GLB1L2: variants seen among roughly 807,000 people sequenced by gnomAD.
GLB1L2 encodes galactosidase beta 1 like 2.
In GLB1L2, 68 loss-of-function variants were observed where a neutral mutation model predicts 84.1. The observed-to-expected ratio is 0.81, with a 90% CI of 0.67 to 0.99. The LOEUF (loss-of-function observed/expected upper bound fraction) is 0.99. Ranked by LOEUF, GLB1L2 falls within the 50% of genes least tolerant of loss-of-function variation. GLB1L2 has a pLI of 0.00. For missense variants in GLB1L2, 762 were observed against 805.6 expected (o/e 0.95, Z 0.66); for synonymous variants, 290 against 318.0 (o/e 0.91, Z 0.94).
intron 7 of GLB1L2, among the ~76,000 whole-genome samples, chr11:134,363,109 T>A (rs1192714338): frequency 6.6e-6 from 1 of 152,198 alleles, no homozygotes; most frequent in Non-Finnish European, 1.5e-5. Context: ...AGTTTCAGAC[T>A]GGCCTCCTGT....
At position 134,373,789 on chromosome 11, in the gene GLB1L2, A is replaced by C; in HGVS notation, c.1576A>C (p.Lys526Gln). 1.2e-6 allele frequency: 2 copies of C among 1,610,254 alleles called. No individual in the cohort carries two copies. The highest frequency in any genetic ancestry group is 1.7e-6 in the Non-Finnish European group (2 of 1,176,540). Residue 526 changes from lysine (K) to glutamine (Q), a missense_variant, in exon 16 of 19, where the codon AAG (lysine) becomes CAG (glutamine). By Grantham distance (53) the Lys-to-Gln change is moderately conservative. Coordinates refer to ENST00000535456, the MANE Select transcript of GLB1L2 (RefSeq NM_001370461.1). ...CTTCAGAATCTATAGCCTGGATATG[A>C]AGAAGAGCTTCTTTCAGAGGTGGGT... Reference protein sequence around the residue: ...KNFRIYSLDMKKSFFQRFGLD... With the variant: ...KNFRIYSLDMQKSFFQRFGLD...
At position 134,369,893 on chromosome 11, in the gene GLB1L2, G is replaced by A; in HGVS notation, c.1108+8G>A. 6.2e-7 allele frequency: 1 copy of A among 1,612,104 alleles called. No homozygotes were observed. The highest frequency in any genetic ancestry group is 8.5e-7 in the Non-Finnish European group (1 of 1,178,320). ...TCTTCGGCTCCATCTCAGGTACCCA[G>A]CAGACAGCAGACTCAAGTTCCAACT... On this transcript the variant is annotated splice_region_variant and intron_variant, in intron 11 of 18. Coordinates refer to ENST00000535456, the MANE Select transcript of GLB1L2 (RefSeq NM_001370461.1).
intron 15 of GLB1L2, 77 bp downstream of exon 15, chr11:134,371,907 G>T: frequency 7.1e-7 from 1 of 1,418,236 alleles, no homozygotes; most frequent in Non-Finnish European, 9.9e-7. Flanking sequence ...ATGCTAGCAG[G>T]CCACCAGGCC....
intron 7 of GLB1L2, among the ~76,000 whole-genome samples, chr11:134,362,409 C>G (rs1296569150): frequency 6.6e-6 from 1 of 152,206 alleles, no homozygotes; most frequent in Non-Finnish European, 1.5e-5. Flanking sequence ...AGGGGATGCT[C>G]TGGATCAGCC....
rs1197221892 is a variant in GLB1L2, at chr11:134,347,333, T to C, written c.458T>C (p.Leu153Pro). ...CCCGTTTACACTTCAAGCTGGCTAC[T>C]CCAAGACCCTGGCATGAGGCTGAGG... ...MDLGGLPSWLLQDPGMRLRTT... is the reference protein window; with the variant it reads ...MDLGGLPSWLPQDPGMRLRTT... Residue 153 changes from leucine (L) to proline (P), a missense_variant, in exon 5 of 19, where the codon CTC (leucine) becomes CCC (proline). Physicochemically the swap from Leu to Pro is moderately conservative, Grantham distance 98. Coordinates refer to ENST00000535456, the MANE Select transcript of GLB1L2 (RefSeq NM_001370461.1). 1.9e-6 allele frequency: 3 copies of C among 1,613,612 alleles called. No homozygotes were observed. In the East Asian group the frequency reaches 6.7e-5, roughly 36 times the overall value.
At chr11:134,373,840 T>C in intron 16 of GLB1L2, 32 bp downstream of exon 16, 1 of 1,459,984 alleles carries the variant, frequency 6.8e-7, no homozygotes, top group Non-Finnish European at 9.6e-7. Context: ...GCCCTTGCAC[T>C]CACAGGTATA....
At chr11:134,362,361 T>G (rs1291367010) in intron 7 of GLB1L2, among the ~76,000 whole-genome samples, 2 of 152,120 alleles carry the variant, frequency 1.3e-5, no homozygotes. Context: ...GCTGCCCGCG[T>G]GTTTTTCTGC....
rs777989825 is a variant in GLB1L2 at position 134,342,773 on chromosome 11, G to T, written c.106G>T (p.Val36Phe). Reference protein sequence around the residue: ...VLRRLDWSTLVPLRLRHRQLG... With the variant: ...VLRRLDWSTLFPLRLRHRQLG... ...TTCCAGGCTGGACTGGAGCACCCTG[G>T]TCCCTCTGCGGCTCCGCCATCGACA... Residue 36 changes from valine (V) to phenylalanine (F), a missense_variant, in exon 2 of 19, where the codon GTC becomes TTC. Transcript: ENST00000535456. The T allele has an allele frequency of 1.2e-6, 2 of 1,613,790 alleles. No individual in the cohort carries two copies. The highest frequency in any genetic ancestry group is 1.7e-6 in the Non-Finnish European group (2 of 1,179,998).
intron 1 of GLB1L2, 49 bp from the exon 2 acceptor site, chr11:134,342,705 T>G: frequency 2.6e-6 from 4 of 1,559,010 alleles, no homozygotes; most frequent in Non-Finnish European, 3.5e-6. Context: ...GAAGCCGATC[T>G]CTCTGCGGCC....
At chr11:134,336,145 G>A (rs1331550368) in intron 1 of GLB1L2, among the ~76,000 whole-genome samples, 2 of 152,214 alleles carry the variant, frequency 1.3e-5, no homozygotes, top group Non-Finnish European at 2.9e-5. Flanking sequence ...GAGACTCCTT[G>A]TTGATACTCA....
At chr11:134,362,562 G>A (rs953408720) in intron 7 of GLB1L2, among the ~76,000 whole-genome samples, 3 of 152,234 alleles carry the variant, frequency 2.0e-5, no homozygotes, top group East Asian at 1.9e-4. Flanking sequence ...GTCGGAGTGT[G>A]GGGCTGTGTC....
intron 5 of GLB1L2, chr11:134,355,892 AG>A (rs1943693463): frequency 2.5e-6 from 1 of 404,296 alleles, no homozygotes; most frequent in Non-Finnish European, 4.9e-6. Context: ...ATTATCAACA[AG>A]TTCCATTTTG....
rs903566838 is a variant in GLB1L2, at chr11:134,344,898, T to A, written c.354-136T>A. 101 of 997,666 alleles carry A rather than the reference T, an allele frequency of 1.0e-4. No individual in the cohort carries two copies. In the East Asian group the frequency reaches 2.7e-3, roughly 26 times the overall value. 61.8% of individuals were successfully genotyped at this position (997,666 alleles called of 1,614,324 possible). A position where few individuals can be genotyped will look rare whatever the true frequency, so the allele number is the denominator to read the frequency against. On this transcript the variant is annotated intron_variant, in intron 3 of 18. Transcript: ENST00000535456. Reference sequence around the variant, plus strand: ...TCAGGCCACCGACCTGGTGTGGGAGTCCCCGCGCTTTGGGGGTGGGGCCGA... The same window carrying A: ...TCAGGCCACCGACCTGGTGTGGGAGACCCCGCGCTTTGGGGGTGGGGCCGA...
chr11:134,366,379 G>A (rs1455921975), intron 8 of GLB1L2, among the ~76,000 whole-genome samples: 1 of 152,210 alleles, frequency 6.6e-6, no homozygotes, highest in Non-Finnish European at 1.5e-5. Context: ...TGGACCGTGA[G>A]TTTGTCCCAT....
At chr11:134,353,010 C>T (rs943683952) in intron 5 of GLB1L2, among the ~76,000 whole-genome samples, 3 of 152,112 alleles carry the variant, frequency 2.0e-5, no homozygotes, top group South Asian at 2.1e-4. Context: ...GATTTTATTT[C>T]CACATACTTG....
rs1943922212 is a variant in GLB1L2 at position 134,369,824 on chromosome 11, A to G, written c.1047A>G (p.Thr349=). 6.2e-7 allele frequency: 1 copy of G among 1,613,316 alleles called. No homozygotes were observed. Among genetic ancestry groups the G allele is most frequent in the African/African-American group, 1.3e-5 (1 of 74,942 alleles). Residue 349 remains threonine, a synonymous_variant, in exon 11 of 19, where the codon ACA becomes ACG. Coordinates refer to ENST00000535456, the MANE Select transcript of GLB1L2 (RefSeq NM_001370461.1). The part of the protein sequence containing the change: ...VTSYDYDAVL[T]EAGDYTAKYM... The stretch of plus-strand genomic sequence containing the variant: ...TTGCAGACTATGATGCTGTGCTGAC[A>G]GAAGCCGGCGATTACACGGCCAAGT...
chr11:134,341,132 G>C (rs1294741276), intron 1 of GLB1L2, among the ~76,000 whole-genome samples: 1 of 152,212 alleles, frequency 6.6e-6, no homozygotes, highest in African/African-American at 2.4e-5. Flanking sequence ...CCCACTTGTG[G>C]CTATTCTCTC....
chr11:134,351,408 C>G (rs1054035323), intron 5 of GLB1L2, among the ~76,000 whole-genome samples: 17 of 147,044 alleles, frequency 1.2e-4, no homozygotes, highest in African/African-American at 4.3e-4. Flanking sequence ...AGCAATGGCG[C>G]TATCTCAGCT....
Position 134,375,036 on chromosome 11 carries a change from G to T in GLB1L2, c.1889G>T (p.Gly630Val). The T allele has an allele frequency of 6.2e-7, 1 of 1,613,794 alleles. No homozygotes were observed. Among genetic ancestry groups the T allele is most frequent in the Non-Finnish European group, 8.5e-7 (1 of 1,179,942 alleles). ...CAGTTCACGGAAACCCCCCACCTGG[G>T]CAGGAACCAGTACATTAAGTGAGCG... ...ALQFTETPHL[G>V]RNQYIK The change falls in exon 19 of 19, where the codon GGC (glycine) becomes GTC (valine). Residue 630 changes from glycine to valine, a missense_variant. This residue lies in a region of GLB1L2 where 603 missense variants were observed against 611.7 expected (regional missense o/e 0.99). Transcript: ENST00000535456.
Sources: gnomAD v4.1 joint callset for allele counts (sites outside exome capture counted in the v4.1 genomes callset) on GRCh38, gnomAD v4.1.1 for gene constraint, gnomAD v4.1.1 regional missense constraint, MANE v1.5 for transcripts, NCBI Gene and HGNC (gene_info 2026-07-23, HGNC 2026-07-21) for gene names.